DST: variants seen among roughly 807,000 people sequenced by gnomAD.
DST encodes bullous pemphigoid antigen.
DST carries 253 observed loss-of-function variants against 875.2 expected under a neutral mutation model. The ratio of observed to expected loss-of-function variants is 0.29; its 90% CI spans 0.26 to 0.32. DST has a LOEUF of 0.32. DST is among the 10% of genes least tolerant of loss of function. The probability of loss-of-function intolerance (pLI) is 1.00; values close to 1 mark genes in which losing one functional copy is unlikely to be tolerated. For missense variants in DST, 8,287 were observed against 9,111.6 expected (o/e 0.91, Z 3.68); for synonymous variants, 3,124 against 3,197.1 (o/e 0.98, Z 0.77).
chr6:56,765,371 T>G (rs914067130), intron 4 of DST, among the ~76,000 whole-genome samples: 1 of 152,204 alleles, frequency 6.6e-6, no homozygotes, highest in African/African-American at 2.4e-5. Context: ...GTAACAGAAC[T>G]TGCAAGTGTT....
At position 56,498,173 on chromosome 6, in the gene DST, A is replaced by AG. The variant is rs1367632557; in HGVS notation, c.19897-121_19897-120insC. ...TCAAACAAAAACGTTATATGTGTAGAATTTTAATTTTTTTTAAAGAGATGG... is the reference window on the plus strand; with the variant it reads ...TCAAACAAAAACGTTATATGTGTAGAGATTTTAATTTTTTTTAAAGAGATGG... On this transcript the variant is annotated intron_variant, in intron 80 of 103. Coordinates refer to ENST00000680361, the MANE Select transcript of DST (RefSeq NM_001374736.1). 10 of 1,008,746 alleles carry AG rather than the reference A, an allele frequency of 9.9e-6. No homozygotes were observed. The Admixed American group carries it at 1.5e-4, about 15-fold the overall frequency. 62.5% of individuals were successfully genotyped at this position (1,008,746 alleles called of 1,614,324 possible).
chr6:56,923,496 G>A (rs1043479262), intron 2 of DST, among the ~76,000 whole-genome samples: 4 of 145,740 alleles, frequency 2.7e-5, no homozygotes, highest in Admixed American at 2.7e-4. Context: ...AAATCCTGAT[G>A]TAGGGTGTAT....
chr6:56,899,566 A>G lies in DST; in HGVS notation c.417+855T>C, dbSNP rs150040224. Among the ~76,000 whole-genome samples the G allele has an allele frequency of 5.9e-5, 9 of 152,296 alleles. 1 individual carries two copies. In the East Asian group the frequency reaches 1.3e-3, roughly 23 times the overall value. On this transcript the variant is annotated intron_variant, in intron 3 of 103. Coordinates refer to ENST00000680361, the MANE Select transcript of DST (RefSeq NM_001374736.1). The stretch of plus-strand genomic sequence containing the variant: ...CAAGCCAAATCTTGATGGCTCCCCT[A>G]TGTTGGCACAAGAAACAACAACAGG...
intron 49 of DST, among the ~76,000 whole-genome samples, chr6:56,591,467 G>A (rs781349602): frequency 1.3e-5 from 2 of 152,156 alleles, no homozygotes; most frequent in African/African-American, 2.4e-5. Context: ...TACCAACTTT[G>A]GGCCAGGTAA....
chr6:56,632,077 T>C, intron 28 of DST, 37 bp from the exon 29 acceptor site: 1 of 1,546,924 alleles, frequency 6.5e-7, no homozygotes, highest in South Asian at 1.1e-5. Flanking sequence ...TACCTTGTTT[T>C]CTATCTCTTA....
chr6:56,798,926 T>C (rs528438125), intron 4 of DST, among the ~76,000 whole-genome samples: 6 of 152,254 alleles, frequency 3.9e-5, no homozygotes, highest in South Asian at 4.1e-4. Context: ...GTGGTGGAAA[T>C]AGCAAGAGAA....
chr6:56,599,673 A>C (rs2098424875), intron 45 of DST, among the ~76,000 whole-genome samples: 1 of 152,084 alleles, frequency 6.6e-6, no homozygotes, highest in Admixed American at 6.6e-5. Context: ...AAAAGGAACA[A>C]ATCACAAGAA....
At position 56,462,322 on chromosome 6, in the gene DST, T is replaced by C. The variant is rs140242054; in HGVS notation, c.23070+724A>G. ...AAATGACCTGATACATGAGTTCATC[T>C]TGGCAAATTTTATATCACCTAAATA... On this transcript the variant is annotated intron_variant, in intron 102 of 103. Coordinates refer to ENST00000680361, the MANE Select transcript of DST (RefSeq NM_001374736.1). Among the ~76,000 whole-genome samples the C allele has an allele frequency of 7.9e-5, 12 of 152,340 alleles. No homozygotes were observed. The East Asian group carries it at 2.1e-3, about 27-fold the overall frequency.
chr6:56,566,847 T>C (rs960041518), intron 55 of DST, among the ~76,000 whole-genome samples: 7 of 152,220 alleles, frequency 4.6e-5, no homozygotes, highest in African/African-American at 1.7e-4. Context: ...AGAATAATTT[T>C]TTTAAATACA....
At position 56,829,709 on chromosome 6, in the gene DST, T is replaced by C. The variant is rs112525484; in HGVS notation, c.625+21688A>G. ...GAAGTGATACATTCAAAACTCTTTT[T>C]AAAAATATAAAAGACCATTAATTTT... is the stretch of plus-strand genomic sequence containing the variant. On this transcript the variant is annotated intron_variant, in intron 4 of 103. Coordinates refer to ENST00000680361, the MANE Select transcript of DST (RefSeq NM_001374736.1). Among the ~76,000 whole-genome samples the C allele has an allele frequency of 2.2e-3, 341 of 152,306 alleles. 6 individuals carry two copies. Among genetic ancestry groups the C allele is most frequent in the African/African-American group, 7.8e-3 (323 of 41,582 alleles).
chr6:56,570,456 C>T (rs1222977657), intron 53 of DST, among the ~76,000 whole-genome samples: 3 of 152,130 alleles, frequency 2.0e-5, no homozygotes, highest in African/African-American at 7.2e-5. Context: ...TCATAAGGAG[C>T]ATGCACCCTA....
intron 3 of DST, among the ~76,000 whole-genome samples, chr6:56,886,588 C>T (rs1053956395): frequency 6.6e-6 from 1 of 152,060 alleles, no homozygotes; most frequent in Non-Finnish European, 1.5e-5. Flanking sequence ...CCACCCTGAC[C>T]AACATGGAGA....
Position 56,592,267 on chromosome 6 carries a change from G to A in DST, c.12818C>T (p.Ala4273Val), listed in dbSNP as rs111433437. The change falls in exon 49 of 104, where the codon GCC becomes GTC. Residue 4273 changes from alanine to valine, a missense_variant. Ala to Val is a moderately conservative substitution (Grantham distance 64). Around this residue, in one of 10 missense-constraint regions of DST, gnomAD observed 1,513 missense variants for 1,677.8 expected, o/e 0.90. Coordinates refer to ENST00000680361, the MANE Select transcript of DST (RefSeq NM_001374736.1). ...ASCGLLAGLQ[A>V]CEATASKHLS... ...GTGTTTGCTCGCTGTGGCCTCACAGGCCTGGAGTCCAGCAAGAAGTCCACA... is the reference window on the plus strand; with the variant it reads ...GTGTTTGCTCGCTGTGGCCTCACAGACCTGGAGTCCAGCAAGAAGTCCACA... 2 of 1,612,840 alleles carry A rather than the reference G, an allele frequency of 1.2e-6. No homozygotes were observed. Among genetic ancestry groups the A allele is most frequent in the Non-Finnish European group, 1.7e-6 (2 of 1,179,366 alleles).
intron 69 of DST, among the ~76,000 whole-genome samples, chr6:56,524,275 C>A (rs992464246): frequency 6.6e-6 from 1 of 151,254 alleles, no homozygotes; most frequent in Non-Finnish European, 1.5e-5. Flanking sequence ...TCTATTCTTA[C>A]GTTTCCCTAC....
rs763379290 is a variant in DST at position 56,600,198 on chromosome 6, C to T, written c.11565G>A (p.Glu3855=). ...DQKIVAERQQ[E]YKEKLQGICD... ...ATATCCCTTGGAGTTTCTCTTTATA[C>T]TCCTGCTGACGCTCTGCTACAATCT... Residue 3855 remains glutamate, a synonymous_variant, in exon 45 of 104, where the codon GAG becomes GAA. Transcript: ENST00000680361. The T allele has an allele frequency of 2.0e-5, 33 of 1,612,354 alleles. No individual in the cohort carries two copies. The highest frequency in any genetic ancestry group is 2.8e-5 in the Non-Finnish European group (33 of 1,178,934).
chr6:56,616,849 A>C lies in DST; in HGVS notation c.4930-2365T>G, dbSNP rs747903303. On this transcript the variant is annotated intron_variant, in intron 36 of 103. Transcript: ENST00000680361. The stretch of plus-strand genomic sequence containing the variant: ...CTGCCTTCTCTGCCTCAAGAAGCCT[A>C]ATTCTGAATTCGGGGTCAACAACTC... The C allele has an allele frequency of 3.1e-6, 5 of 1,614,024 alleles. No individual in the cohort carries two copies. Among genetic ancestry groups the C allele is most frequent in the Non-Finnish European group, 4.2e-6 (5 of 1,180,026 alleles).
intron 49 of DST, among the ~76,000 whole-genome samples, chr6:56,587,725 C>T (rs1187185865): frequency 6.6e-6 from 1 of 152,120 alleles, no homozygotes; most frequent in African/African-American, 2.4e-5. Flanking sequence ...GGCAGAAACT[C>T]TACAAGCCAG....
At chr6:56,724,973 C>T (rs1324081914) in intron 5 of DST, among the ~76,000 whole-genome samples, 2 of 152,138 alleles carry the variant, frequency 1.3e-5, no homozygotes, top group African/African-American at 4.8e-5. Flanking sequence ...CTGTTTTACA[C>T]ACACACACAC....
intron 36 of DST, chr6:56,618,049 T>TAG: frequency 6.2e-7 from 1 of 1,614,198 alleles, no homozygotes; most frequent in Admixed American, 1.7e-5. Context: ...ACCTAACAGG[T>TAG]GGTCTAGAAT....
Sources: allele counts gnomAD v4.1 joint callset (sites outside exome capture counted in the v4.1 genomes callset), GRCh38; gene constraint gnomAD v4.1.1; regional missense constraint gnomAD v4.1.1; transcripts MANE v1.5; gene names NCBI Gene and HGNC (gene_info 2026-07-23, HGNC 2026-07-21).